SLC14A2: variants seen among roughly 807,000 people sequenced by gnomAD.
SLC14A2 encodes the protein urea transporter 2.
SLC14A2 carries 91 observed loss-of-function variants against 104.6 expected under a neutral mutation model. The ratio of observed to expected loss-of-function variants is 0.87; its 90% CI spans 0.73 to 1.04. The LOEUF (loss-of-function observed/expected upper bound fraction) is 1.04. Ranked by LOEUF, SLC14A2 falls within the 50% of genes least tolerant of loss-of-function variation. The pLI, the probability that SLC14A2 is intolerant of heterozygous loss-of-function variation, is 0.00. For synonymous variants in SLC14A2, 476 were observed against 466.4 expected, an observed-to-expected ratio of 1.02 and a Z score of -0.27; for missense variants, 1,189 against 1,156.0, an observed-to-expected ratio of 1.03 and a Z score of -0.41.
At chr18:45,462,771 A>AT (rs998213404) in intron 1 of SLC14A2, among the ~76,000 whole-genome samples, 1 of 151,960 alleles carries the variant, frequency 6.6e-6, no homozygotes, top group African/African-American at 2.4e-5. Context: ...ATTTTTTTTA[A>AT]TTTTTTTGTT....
chr18:45,445,106 CTTT>C (rs34188378), intron 1 of SLC14A2, among the ~76,000 whole-genome samples: 5 of 94,722 alleles, frequency 5.3e-5, no homozygotes, highest in Admixed American at 1.3e-4. Flanking sequence ...AATTGACATG[CTTT>C]TTTTTTTTTT....
At chr18:45,352,862 A>T (rs955731706) in intron 1 of SLC14A2, among the ~76,000 whole-genome samples, 1 of 152,196 alleles carries the variant, frequency 6.6e-6, no homozygotes, top group Non-Finnish European at 1.5e-5. Flanking sequence ...ATAATATTCC[A>T]GGAAGAGGAA....
At chr18:45,617,045 C>G (rs1555714059) in intron 1 of SLC14A2, among the ~76,000 whole-genome samples, 1 of 152,054 alleles carries the variant, frequency 6.6e-6, no homozygotes. Flanking sequence ...TTGCAGGGAG[C>G]CGAGATTGCG....
intron 1 of SLC14A2, among the ~76,000 whole-genome samples, chr18:45,377,454 ACT>A (rs1160950708): frequency 3.3e-5 from 5 of 151,526 alleles, no homozygotes; most frequent in African/African-American, 7.3e-5. Context: ...TGCCAAATAA[ACT>A]CTCAGCCTGG....
At chr18:45,278,843 A>C (rs1292781167) in intron 1 of SLC14A2, among the ~76,000 whole-genome samples, 1 of 152,106 alleles carries the variant, frequency 6.6e-6, no homozygotes, top group African/African-American at 2.4e-5. Flanking sequence ...CAAAACCTGA[A>C]GGGTTTGGTT....
At chr18:45,406,152 A>G (rs936131937) in intron 1 of SLC14A2, among the ~76,000 whole-genome samples, 9 of 152,204 alleles carry the variant, frequency 5.9e-5, no homozygotes, top group African/African-American at 2.2e-4. Context: ...ATTGGAGCCA[A>G]TTCTCTAAAA....
At chr18:45,671,517 G>A (rs1431869046) in intron 16 of SLC14A2, among the ~76,000 whole-genome samples, 1 of 152,138 alleles carries the variant, frequency 6.6e-6, no homozygotes, top group Non-Finnish European at 1.5e-5. Context: ...ACCACTGAGA[G>A]CCCTCTGAAG....
chr18:45,195,690 G>A, the SLC14A2 span, among the ~76,000 whole-genome samples: 30 of 152,186 alleles, frequency 2.0e-4, no homozygotes, highest in South Asian at 5.6e-3. Flanking sequence ...GCGCCTGGCT[G>A]GGAGCAAGAA....
At position 45,674,410 on chromosome 18, in the gene SLC14A2, C is replaced by T. The variant is rs10153334; in HGVS notation, c.2512+593C>T. The stretch of plus-strand genomic sequence containing the variant: ...TAAAAATTTTCCAAATATTCTTGCT[C>T]GGGAAGATGTTCTGGATCAGCTATG... On this transcript the variant is annotated intron_variant, in intron 18 of 19. Transcript: ENST00000255226. 2.6e-4 allele frequency among the ~76,000 whole-genome samples: 40 copies of T among 151,960 alleles called. 1 individual carries two copies. The South Asian group carries it at 2.9e-3, about 11-fold the overall frequency.
intron 2 of SLC14A2, among the ~76,000 whole-genome samples, chr18:45,539,052 C>A (rs79546791): frequency 0.018 from 2,668 of 151,758 alleles, 77 homozygotes; most frequent in African/African-American, 0.06. Context: ...CATGAGAAGC[C>A]CATGGGGATA....
chr18:45,408,023 A>G (rs1190803059), intron 1 of SLC14A2, among the ~76,000 whole-genome samples: 1 of 152,252 alleles, frequency 6.6e-6, no homozygotes, highest in Admixed American at 6.5e-5. Context: ...AGACTTGTTC[A>G]AGGCAGGGTT....
At chr18:45,323,391 C>G (rs1411672795) in intron 1 of SLC14A2, among the ~76,000 whole-genome samples, 3 of 152,184 alleles carry the variant, frequency 2.0e-5, no homozygotes, top group Admixed American at 6.5e-5. Context: ...TTTCTCTCAG[C>G]CAGCTATATC....
At chr18:45,537,886 A>C (rs2043820114) in intron 2 of SLC14A2, among the ~76,000 whole-genome samples, 1 of 152,190 alleles carries the variant, frequency 6.6e-6, no homozygotes, top group Non-Finnish European at 1.5e-5. Flanking sequence ...TGGGATATAC[A>C]GTTCTGGAGT....
Position 45,668,290 on chromosome 18 carries a change from G to A in SLC14A2, c.1908-59G>A. ...AGATAAAAAGAATCTGACTCAATAG[G>A]AAAATGTAAAGGGCCCTGGGGAAGC... On this transcript the variant is annotated intron_variant, in intron 14 of 19. Transcript: ENST00000255226. 4 of 1,595,620 alleles carry A rather than the reference G, an allele frequency of 2.5e-6. No individual in the cohort carries two copies. In the Admixed American group the frequency reaches 6.9e-5, roughly 28 times the overall value.
At chr18:45,514,328 C>T (rs1421202) in intron 2 of SLC14A2, among the ~76,000 whole-genome samples, 20,347 of 152,088 alleles carry the variant, frequency 0.13, 1,989 homozygotes, top group African/African-American at 0.27. Flanking sequence ...GAAGATGCTA[C>T]ACACTTTCAA....
chr18:45,254,595 G>T (rs949665494), intron 1 of SLC14A2, among the ~76,000 whole-genome samples: 2 of 152,158 alleles, frequency 1.3e-5, no homozygotes, highest in Non-Finnish European at 2.9e-5. Flanking sequence ...CCTGCAGGCA[G>T]CTGACTGGAT....
At chr18:45,225,404 A>G (rs76489155) in intron 1 of SLC14A2, among the ~76,000 whole-genome samples, 30,028 of 151,998 alleles carry the variant, frequency 0.2, 3,434 homozygotes, top group African/African-American at 0.32. Context: ...GCCATGCAGT[A>G]TAGTTTGAAG....
At chr18:45,427,596 T>A (rs62090731) in intron 1 of SLC14A2, among the ~76,000 whole-genome samples, 17,330 of 152,176 alleles carry the variant, frequency 0.11, 1,004 homozygotes, top group Middle Eastern at 0.2. Context: ...CCCCATTCAC[T>A]GATCAATGTG....
chr18:45,434,420 T>C (rs1275799964), intron 1 of SLC14A2, among the ~76,000 whole-genome samples: 4 of 152,186 alleles, frequency 2.6e-5, no homozygotes, highest in Non-Finnish European at 5.9e-5. Context: ...TTTTGTGCAC[T>C]AAAAAGGCTG....
Sources: gnomAD v4.1 joint callset for allele counts (sites outside exome capture counted in the v4.1 genomes callset) on GRCh38, gnomAD v4.1.1 for gene constraint, MANE v1.5 for transcripts, NCBI Gene and HGNC (gene_info 2026-07-23, HGNC 2026-07-21) for gene names.